The following FANCC variants were observed in gnomAD, a reference collection of about 807,000 sequenced individuals.
FANCC encodes the protein Fanconi anemia group C protein.
In FANCC, 55 loss-of-function variants were observed where a neutral mutation model predicts 71.3. The observed-to-expected ratio is 0.77, with a 90% CI of 0.62 to 0.97. The LOEUF (loss-of-function observed/expected upper bound fraction) is 0.97. Ranked by LOEUF, FANCC falls within the 50% of genes least tolerant of loss-of-function variation. The probability of loss-of-function intolerance (pLI) is 0.00; values close to 1 mark genes in which losing one functional copy is unlikely to be tolerated. For synonymous variants in FANCC, 275 were observed against 244.9 expected (o/e 1.12, Z -1.15); for missense variants, 678 against 670.9 (o/e 1.01, Z -0.12).
At chr9:95,162,546 G>A (rs1830813998) in intron 6 of FANCC, among the ~76,000 whole-genome samples, 1 of 152,172 alleles carries the variant, frequency 6.6e-6, no homozygotes, top group Non-Finnish European at 1.5e-5. Context: ...TTTCCATAGT[G>A]ACTGCACTAG....
rs1828431122 is a variant in FANCC, at chr9:95,210,540, A to T, written c.345+30109T>A. Among the ~76,000 whole-genome samples, 3 of 152,316 alleles carry T rather than the reference A, an allele frequency of 2.0e-5. No individual in the cohort carries two copies. In the South Asian group the frequency reaches 6.2e-4, roughly 32 times the overall value. ...GCTTTACACACACACATACACATAC[A>T]CACTATATATAATCACTTAATCCAA... On this transcript the variant is annotated intron_variant, in intron 4 of 14. Transcript: ENST00000289081.
Position 95,215,719 on chromosome 9 carries a change from G to A in FANCC, c.345+24930C>T, listed in dbSNP as rs370374534. On this transcript the variant is annotated intron_variant, in intron 4 of 14. Transcript: ENST00000289081. ...CTGTTAGGAAGCCAAGAAGCCCCAC[G>A]TAGAGGCCATGGGTTCCAGATGACA... Among the ~76,000 whole-genome samples the A allele has an allele frequency of 3.3e-5, 5 of 152,198 alleles. No homozygotes were observed. The South Asian group carries it at 1.0e-3, about 32-fold the overall frequency.
At chr9:95,259,789 T>G (rs554319903) in intron 1 of FANCC, among the ~76,000 whole-genome samples, 83 of 152,062 alleles carry the variant, frequency 5.5e-4, no homozygotes, top group African/African-American at 1.7e-3. Flanking sequence ...TTGCAATCTA[T>G]CCATCTGACA....
chr9:95,126,086 G>A (rs960947331), intron 9 of FANCC, among the ~76,000 whole-genome samples: 2 of 152,170 alleles, frequency 1.3e-5, no homozygotes, highest in African/African-American at 4.8e-5. Flanking sequence ...AACATGCATG[G>A]TGTATTTTGC....
chr9:95,316,308 T>C (rs1048285593), intron 1 of FANCC, among the ~76,000 whole-genome samples: 8 of 152,240 alleles, frequency 5.3e-5, no homozygotes, highest in African/African-American at 1.2e-4. Context: ...GCACATAACA[T>C]TGAAACATCA....
chr9:95,267,226 G>C (rs2136198614), intron 1 of FANCC, among the ~76,000 whole-genome samples: 1 of 152,288 alleles, frequency 6.6e-6, no homozygotes, highest in Non-Finnish European at 1.5e-5. Flanking sequence ...TGGGATGGAA[G>C]GTGCTGACTA....
intron 9 of FANCC, 110 bp downstream of exon 9, chr9:95,126,419 C>T: frequency 1.8e-6 from 2 of 1,086,464 alleles, no homozygotes; most frequent in South Asian, 1.3e-5. Context: ...GAATCAGAAA[C>T]TCTAATTTCC....
chr9:95,273,169 C>T (rs886306801), intron 1 of FANCC, among the ~76,000 whole-genome samples: 2 of 152,084 alleles, frequency 1.3e-5, no homozygotes, highest in Non-Finnish European at 2.9e-5. Context: ...TTAGCCTCGA[C>T]GAGGGAAGGG....
chr9:95,195,106 G>C (rs1750610), intron 4 of FANCC, among the ~76,000 whole-genome samples: 1 of 142,768 alleles, frequency 7.0e-6, no homozygotes, highest in African/African-American at 2.7e-5. Flanking sequence ...GCTGAGGCAA[G>C]AGAATCACTT....
intron 4 of FANCC, among the ~76,000 whole-genome samples, chr9:95,179,514 T>C (rs1347198410): frequency 2.0e-5 from 3 of 152,198 alleles, no homozygotes; most frequent in Admixed American, 1.3e-4. Flanking sequence ...GCCCAGCTAA[T>C]TTTTGTGTAT....
intron 3 of FANCC, among the ~76,000 whole-genome samples, chr9:95,246,603 G>A (rs1830995064): frequency 6.6e-6 from 1 of 152,216 alleles, no homozygotes; most frequent in African/African-American, 2.4e-5. Flanking sequence ...CTAAAACCAT[G>A]GTTCCTGTTC....
chr9:95,141,165 A>G (rs1269690953), intron 7 of FANCC, among the ~76,000 whole-genome samples: 1 of 151,870 alleles, frequency 6.6e-6, no homozygotes, highest in African/African-American at 2.4e-5. Flanking sequence ...CAAAATAATT[A>G]GCAAGGCATG....
At chr9:95,141,724 G>A (rs1008986481) in intron 7 of FANCC, among the ~76,000 whole-genome samples, 54 of 152,116 alleles carry the variant, frequency 3.5e-4, no homozygotes, top group Admixed American at 3.0e-3. Flanking sequence ...CATAACAGAC[G>A]AGTAAACTAC....
chr9:95,138,048 A>G (rs1660779255), intron 7 of FANCC, among the ~76,000 whole-genome samples: 1 of 152,236 alleles, frequency 6.6e-6, no homozygotes, highest in African/African-American at 2.4e-5. Flanking sequence ...GAGGAGTGGG[A>G]AAGGCTGAAA....
intron 7 of FANCC, among the ~76,000 whole-genome samples, chr9:95,138,598 T>G (rs993811541): frequency 6.6e-5 from 10 of 152,180 alleles, no homozygotes; most frequent in African/African-American, 2.4e-4. Flanking sequence ...TCAGGATCCA[T>G]GTAACACGAA....
intron 6 of FANCC, among the ~76,000 whole-genome samples, chr9:95,163,080 G>C (rs897764979): frequency 6.6e-6 from 1 of 152,110 alleles, no homozygotes; most frequent in African/African-American, 2.4e-5. Context: ...CTTACGTTTA[G>C]GTCTTTCATC....
At chr9:95,109,599 G>C (rs1398770907) in intron 13 of FANCC, 1 of 152,212 alleles carries the variant, frequency 6.6e-6, no homozygotes, top group Non-Finnish European at 1.5e-5. Context: ...GCTTGCCCAT[G>C]AGTGGGACAG....
At chr9:95,157,484 T>C (rs2135491489) in intron 6 of FANCC, among the ~76,000 whole-genome samples, 1 of 152,336 alleles carries the variant, frequency 6.6e-6, no homozygotes, top group East Asian at 1.9e-4. Context: ...GCTTATCCTG[T>C]AGCTCTATGG....
At chr9:95,265,780 CATTT>C (rs1276216147) in intron 1 of FANCC, among the ~76,000 whole-genome samples, 3 of 152,178 alleles carry the variant, frequency 2.0e-5, no homozygotes, top group Non-Finnish European at 2.9e-5. Context: ...GAAACCCATA[CATTT>C]ATTAGGAGCC....
Sources: allele counts gnomAD v4.1 joint callset (sites outside exome capture counted in the v4.1 genomes callset), GRCh38; gene constraint gnomAD v4.1.1; transcripts MANE v1.5; gene names NCBI Gene and HGNC (gene_info 2026-07-23, HGNC 2026-07-21).